Variants in CLSTN2 observed in about 807,000 individuals in gnomAD.
The protein encoded by CLSTN2 is calsyntenin 2.
In CLSTN2, 48 loss-of-function variants were observed where a neutral mutation model predicts 101.2. The observed-to-expected ratio is 0.47, with a 90% CI of 0.38 to 0.60. CLSTN2 has a LOEUF of 0.60. Among genes scored for constraint, CLSTN2 ranks in the 20% least tolerant of loss-of-function variants. CLSTN2 has a pLI of 0.00. For missense variants in CLSTN2, 1,160 were observed against 1,238.2 expected (o/e 0.94, Z 0.95); for synonymous variants, 481 against 463.6 (o/e 1.04, Z -0.48).
intron 1 of CLSTN2, among the ~76,000 whole-genome samples, chr3:140,028,064 C>A (rs2007458713): frequency 6.6e-6 from 1 of 152,192 alleles, no homozygotes; most frequent in Admixed American, 6.5e-5. Context: ...TGGGTCAGAG[C>A]AGGTCAGGGA....
At chr3:139,977,367 A>G (rs6791621) in intron 1 of CLSTN2, among the ~76,000 whole-genome samples, 95,732 of 151,790 alleles carry the variant, frequency 0.63, 31,943 homozygotes, top group Non-Finnish European at 0.73. Flanking sequence ...ATGAGCAGGA[A>G]CCCTCTTTGG....
chr3:140,553,297 A>G (rs1576624220), intron 10 of CLSTN2, among the ~76,000 whole-genome samples: 1 of 152,388 alleles, frequency 6.6e-6, no homozygotes, highest in South Asian at 2.1e-4. Context: ...GCTATCATAT[A>G]TTTAATATCT....
intron 2 of CLSTN2, among the ~76,000 whole-genome samples, chr3:140,334,580 C>T (rs2087422386): frequency 6.6e-6 from 1 of 152,168 alleles, no homozygotes; most frequent in Admixed American, 6.5e-5. Flanking sequence ...TTATGAGGAG[C>T]CACATGAGGA....
At chr3:140,129,664 G>T (rs962170610) in intron 1 of CLSTN2, among the ~76,000 whole-genome samples, 3 of 152,192 alleles carry the variant, frequency 2.0e-5, no homozygotes, top group Admixed American at 6.5e-5. Context: ...CACCCAAGAT[G>T]CTCAGTAAAT....
chr3:139,946,672 G>A (rs1471144905), intron 1 of CLSTN2, among the ~76,000 whole-genome samples: 1 of 152,180 alleles, frequency 6.6e-6, no homozygotes, highest in Non-Finnish European at 1.5e-5. Flanking sequence ...CTGCTGAGAT[G>A]GAGGGCAAGG....
At chr3:140,368,811 A>C (rs2087820962) in intron 2 of CLSTN2, among the ~76,000 whole-genome samples, 1 of 152,190 alleles carries the variant, frequency 6.6e-6, no homozygotes, top group Non-Finnish European at 1.5e-5. Context: ...TTTTGTGTGA[A>C]ACCCTTTCCT....
chr3:140,078,403 A>T (rs2008529720), intron 1 of CLSTN2, among the ~76,000 whole-genome samples: 1 of 152,210 alleles, frequency 6.6e-6, no homozygotes, highest in Admixed American at 6.5e-5. Context: ...TTTTGCCAAC[A>T]TAGTACCAAT....
intron 2 of CLSTN2, among the ~76,000 whole-genome samples, chr3:140,211,190 C>T (rs1416790140): frequency 6.6e-6 from 1 of 151,724 alleles, no homozygotes; most frequent in African/African-American, 2.4e-5. Flanking sequence ...GCAGAGTGGC[C>T]CTGACAGATC....
intron 1 of CLSTN2, among the ~76,000 whole-genome samples, chr3:140,118,999 A>T (rs1420441094): frequency 6.6e-6 from 1 of 152,184 alleles, no homozygotes; most frequent in Non-Finnish European, 1.5e-5. Flanking sequence ...ACAACATAGC[A>T]GAGCAGGCAG....
chr3:140,006,333 A>G (rs1327532518), intron 1 of CLSTN2, among the ~76,000 whole-genome samples: 1 of 152,206 alleles, frequency 6.6e-6, no homozygotes, highest in Non-Finnish European at 1.5e-5. Context: ...CACAAATCTA[A>G]AATAATCTTA....
intron 1 of CLSTN2, among the ~76,000 whole-genome samples, chr3:139,974,853 C>T (rs1202926201): frequency 6.6e-6 from 1 of 152,138 alleles, no homozygotes; most frequent in African/African-American, 2.4e-5. Context: ...GACTGGCAGC[C>T]CCCTGGCCCT....
At chr3:140,373,794 C>T (rs1424848714) in intron 2 of CLSTN2, among the ~76,000 whole-genome samples, 1 of 152,150 alleles carries the variant, frequency 6.6e-6, no homozygotes, top group African/African-American at 2.4e-5. Context: ...GCCTATCTTC[C>T]CAATCATCAG....
At chr3:139,973,572 G>T (rs1319578769) in intron 1 of CLSTN2, among the ~76,000 whole-genome samples, 1 of 152,054 alleles carries the variant, frequency 6.6e-6, no homozygotes, top group Non-Finnish European at 1.5e-5. Context: ...GGAACTTGGG[G>T]CTCTGACCCT....
chr3:140,506,632 A>AACATTTG (rs1353717557), intron 8 of CLSTN2: 1 of 151,790 alleles, frequency 6.6e-6, no homozygotes, highest in East Asian at 1.9e-4. Flanking sequence ...ATTTGTGACC[A>AACATTTG]ACATTTGTTG....
At chr3:140,336,763 T>C (rs531599169) in intron 2 of CLSTN2, among the ~76,000 whole-genome samples, 61 of 152,344 alleles carry the variant, frequency 4.0e-4, no homozygotes, top group African/African-American at 1.4e-3. Flanking sequence ...TGTATCTTTT[T>C]TCATGGAACC....
chr3:140,438,278 TGGGGAATAGAGG>T (rs59046882), intron 5 of CLSTN2, among the ~76,000 whole-genome samples: 48,461 of 151,532 alleles, frequency 0.32, 8,130 homozygotes, highest in East Asian at 0.64. Flanking sequence ...CCCTCACACA[TGGGGAATAGAGG>T]GTATCAGTGT....
intron 1 of CLSTN2, among the ~76,000 whole-genome samples, chr3:140,074,004 GC>G (rs1218435627): frequency 1.3e-5 from 2 of 152,060 alleles, no homozygotes; most frequent in East Asian, 3.9e-4. Context: ...ACTCCAGGAG[GC>G]CCAGACACAG....
chr3:140,422,518 G>A (rs755332616), intron 5 of CLSTN2, among the ~76,000 whole-genome samples: 7 of 152,152 alleles, frequency 4.6e-5, no homozygotes, highest in Non-Finnish European at 7.3e-5. Context: ...TGAAAAGATC[G>A]GAAGGGGTAA....
chr3:140,190,624 T>C (rs1005235213), intron 2 of CLSTN2, among the ~76,000 whole-genome samples: 3 of 152,122 alleles, frequency 2.0e-5, no homozygotes, highest in African/African-American at 7.2e-5. Context: ...TAAATATATA[T>C]TCCTGCACAT....
Sources: allele counts gnomAD v4.1 joint callset (sites outside exome capture counted in the v4.1 genomes callset), GRCh38; gene constraint gnomAD v4.1.1; transcripts MANE v1.5; gene names NCBI Gene and HGNC (gene_info 2026-07-23, HGNC 2026-07-21).